The following KCNAB1 variants were observed in gnomAD, a reference collection of about 807,000 sequenced individuals.
The protein encoded by KCNAB1 is voltage-gated potassium channel subunit beta-1.
KCNAB1 carries 35 observed loss-of-function variants against 64.6 expected under a neutral mutation model. That is an observed-to-expected ratio of 0.54 (90% confidence interval 0.41 to 0.72). KCNAB1 has a LOEUF of 0.72. KCNAB1 is among the 30% of genes least tolerant of loss of function. KCNAB1 has a pLI of 0.00. For missense variants in KCNAB1, 401 were observed against 512.9 expected (o/e 0.78, Z 2.11); for synonymous variants, 177 against 183.8 (o/e 0.96, Z 0.30).
At chr3:156,313,617 G>A (rs1271452995) in intron 1 of KCNAB1, among the ~76,000 whole-genome samples, 1 of 152,206 alleles carries the variant, frequency 6.6e-6, no homozygotes, top group East Asian at 1.9e-4. Context: ...GAGAAGGCAA[G>A]GGAAATGGAT....
intron 2 of KCNAB1, among the ~76,000 whole-genome samples, chr3:156,427,767 T>C (rs1715916973): frequency 6.6e-6 from 1 of 152,162 alleles, no homozygotes; most frequent in Non-Finnish European, 1.5e-5. Flanking sequence ...CCGGGGAACC[T>C]ACCACATACA....
chr3:156,459,733 G>A, intron 4 of KCNAB1, 94 bp from the exon 5 acceptor site: 1 of 886,566 alleles, frequency 1.1e-6, no homozygotes, highest in Non-Finnish European at 1.8e-6. Context: ...TGTAGGCACT[G>A]AGAGTTCAAA....
intron 8 of KCNAB1, among the ~76,000 whole-genome samples, chr3:156,504,428 G>T (rs935974696): frequency 1.3e-5 from 2 of 152,156 alleles, no homozygotes; most frequent in African/African-American, 2.4e-5. Context: ...TATATAATCA[G>T]TAGTGAAACT....
rs200430077 is a variant in KCNAB1 at position 156,205,997 on chromosome 3, T to C, written c.275+85111T>C. The stretch of plus-strand genomic sequence containing the variant: ...GCTGTTTTGTTTGCCGGGATCACCT[T>C]TGCCCCTTTACTACATTACTGTGCA... On this transcript the variant is annotated intron_variant, in intron 1 of 13. Transcript: ENST00000490337. Among the ~76,000 whole-genome samples the C allele has an allele frequency of 5.3e-5, 8 of 152,328 alleles. No individual in the cohort carries two copies. In the East Asian group the frequency reaches 1.5e-3, roughly 29 times the overall value.
intron 1 of KCNAB1, among the ~76,000 whole-genome samples, chr3:156,169,275 T>C (rs748466128): frequency 1.3e-5 from 2 of 152,234 alleles, no homozygotes; most frequent in Non-Finnish European, 2.9e-5. Context: ...GGGGTTATTA[T>C]GCTGAAGACC....
rs530262861 is a variant in KCNAB1 at position 156,127,771 on chromosome 3, G to A, written c.275+6885G>A. 8.3e-4 allele frequency among the ~76,000 whole-genome samples: 127 copies of A among 152,292 alleles called. 5 individuals are homozygous for A. In the South Asian group the frequency reaches 0.026, roughly 31 times the overall value. ...CCCTGGACGGGCACATCCACTCCAT[G>A]GGAGTAGCCAAATGCACAGGGACTT... On this transcript the variant is annotated intron_variant, in intron 1 of 13. Transcript: ENST00000490337.
intron 1 of KCNAB1, among the ~76,000 whole-genome samples, chr3:156,314,558 G>A (rs778130211): frequency 6.6e-6 from 1 of 152,212 alleles, no homozygotes; most frequent in Non-Finnish European, 1.5e-5. Flanking sequence ...CAGGATTGCC[G>A]AGGATGAGGA....
chr3:156,429,296 C>T (rs1439082937), intron 2 of KCNAB1, among the ~76,000 whole-genome samples: 1 of 152,188 alleles, frequency 6.6e-6, no homozygotes, highest in Non-Finnish European at 1.5e-5. Flanking sequence ...ATGGCAGCAG[C>T]CGCCCGCAGA....
intron 1 of KCNAB1, among the ~76,000 whole-genome samples, chr3:156,369,554 A>C (rs1726168653): frequency 1.3e-5 from 2 of 152,256 alleles, no homozygotes; most frequent in Admixed American, 6.5e-5. Context: ...TGTTTTTTAA[A>C]GGGGAGAGAA....
chr3:156,142,111 T>C (rs538608982), intron 1 of KCNAB1, among the ~76,000 whole-genome samples: 1 of 152,336 alleles, frequency 6.6e-6, no homozygotes, highest in African/African-American at 2.4e-5. Flanking sequence ...TATGTTTTTA[T>C]TGTTGAGTTT....
chr3:156,153,664 G>A (rs1047904379), intron 1 of KCNAB1, among the ~76,000 whole-genome samples: 4 of 152,170 alleles, frequency 2.6e-5, no homozygotes. Context: ...CAAGTAGGAG[G>A]GTATTCCTTC....
chr3:156,130,748 C>A (rs552453351), intron 1 of KCNAB1, among the ~76,000 whole-genome samples: 47 of 152,342 alleles, frequency 3.1e-4, no homozygotes, highest in African/African-American at 1.1e-3. Flanking sequence ...CTATAAGGTT[C>A]TGTAACTCGG....
intron 8 of KCNAB1, among the ~76,000 whole-genome samples, chr3:156,493,718 A>G (rs1207517579): frequency 6.6e-6 from 1 of 152,102 alleles, no homozygotes; most frequent in East Asian, 1.9e-4. Context: ...TCAGCTCTTC[A>G]GGCTTTGTCT....
intron 2 of KCNAB1, among the ~76,000 whole-genome samples, chr3:156,423,159 A>G (rs1449787724): frequency 6.6e-6 from 1 of 152,256 alleles, no homozygotes; most frequent in East Asian, 1.9e-4. Context: ...TGCTATAAAG[A>G]AAAGCAGAGA....
intron 1 of KCNAB1, among the ~76,000 whole-genome samples, chr3:156,337,059 T>C (rs531531297): frequency 6.6e-6 from 1 of 152,316 alleles, no homozygotes; most frequent in East Asian, 1.9e-4. Context: ...TTATCCCAAC[T>C]TTTTGCCTTT....
At chr3:156,483,737 G>A (rs968339170) in intron 8 of KCNAB1, among the ~76,000 whole-genome samples, 5 of 152,084 alleles carry the variant, frequency 3.3e-5, no homozygotes, top group African/African-American at 1.2e-4. Context: ...CTCAGGTCCG[G>A]CAAATCTTCC....
At chr3:156,502,497 T>C (rs1456118145) in intron 8 of KCNAB1, among the ~76,000 whole-genome samples, 2 of 146,134 alleles carry the variant, frequency 1.4e-5, no homozygotes, top group East Asian at 4.0e-4. Context: ...TTCTATAATA[T>C]GAAAAAAAAA....
chr3:156,176,538 G>T (rs1712382525), intron 1 of KCNAB1: 2 of 806,456 alleles, frequency 2.5e-6, no homozygotes, highest in South Asian at 2.7e-5. Context: ...GCTGGGAAGA[G>T]CATACTGCCA....
At chr3:156,184,497 G>A (rs984315180) in intron 1 of KCNAB1, among the ~76,000 whole-genome samples, 2 of 152,320 alleles carry the variant, frequency 1.3e-5, no homozygotes, top group African/African-American at 4.8e-5. Context: ...AAGGTGTTTG[G>A]AGGCTAAAAA....
Sources: allele counts gnomAD v4.1 joint callset (sites outside exome capture counted in the v4.1 genomes callset), GRCh38; gene constraint gnomAD v4.1.1; transcripts MANE v1.5; gene names NCBI Gene and HGNC (gene_info 2026-07-23, HGNC 2026-07-21).